DNAH6: variants seen among roughly 807,000 people sequenced by gnomAD.
DNAH6 encodes the protein axonemal beta dynein heavy chain 6.
In DNAH6, 340 loss-of-function variants were observed where a neutral mutation model predicts 491.4. The ratio of observed to expected loss-of-function variants is 0.69; its 90% CI spans 0.63 to 0.76. The LOEUF (loss-of-function observed/expected upper bound fraction) is 0.76, where lower values mean the gene tolerates loss of function less well. Ranked by LOEUF, DNAH6 falls within the 30% of genes least tolerant of loss-of-function variation. The probability of loss-of-function intolerance (pLI) is 0.00; values close to 1 mark genes in which losing one functional copy is unlikely to be tolerated. For synonymous variants in DNAH6, 1,603 were observed against 1,686.1 expected (o/e 0.95, Z 1.21); for missense variants, 4,443 against 4,972.2 (o/e 0.89, Z 3.20).
intron 44 of DNAH6, among the ~76,000 whole-genome samples, chr2:84,688,115 A>G (rs1694461097): frequency 6.6e-5 from 10 of 151,810 alleles, no homozygotes; most frequent in Admixed American, 6.6e-4. Context: ...GGCGCCTGTA[A>G]TCCCAGCTAC....
rs1192361 is a variant in DNAH6, at chr2:84,813,294, A to G, written c.11998+164A>G. ...GTGCTCTTCCTCACTTGTGGGGGGC[A>G]GAGGAAAGATGGCAGAGATAGCAGA... On this transcript the variant is annotated intron_variant, in intron 74 of 76. Coordinates refer to ENST00000389394, the MANE Select transcript of DNAH6 (RefSeq NM_001370.2). Among the ~76,000 whole-genome samples the G allele has an allele frequency of 0.14, 21,543 of 152,272 alleles. 1,566 individuals carry two copies. Among genetic ancestry groups the G allele is most frequent in the African/African-American group, 0.18 (7,302 of 41,540 alleles).
chr2:84,805,610 A>G, intron 70 of DNAH6, 55 bp from the exon 71 acceptor site: 1 of 1,446,536 alleles, frequency 6.9e-7, no homozygotes, highest in Non-Finnish European at 9.2e-7. Flanking sequence ...TGTGCTGCAA[A>G]TTTGTTTTCT....
chr2:84,789,349 TC>T (rs1677525494), intron 68 of DNAH6, among the ~76,000 whole-genome samples: 3 of 152,186 alleles, frequency 2.0e-5, no homozygotes, highest in Admixed American at 2.0e-4. Context: ...AACTTTCCAC[TC>T]CATAGGTGCC....
At chr2:84,480,084 A>G in the DNAH6 span, among the ~76,000 whole-genome samples, 1 of 152,232 alleles carries the variant, frequency 6.6e-6, no homozygotes, top group Admixed American at 6.5e-5. Context: ...CAAGCCCACC[A>G]AAGAGTTATT....
intron 11 of DNAH6, among the ~76,000 whole-genome samples, chr2:84,564,868 T>A (rs1366897462): frequency 6.6e-6 from 1 of 152,182 alleles, no homozygotes; most frequent in Non-Finnish European, 1.5e-5. Context: ...ATTCCTTTGA[T>A]CCCTAGTCTG....
rs570920425 is a variant in DNAH6, at chr2:84,818,978, T to C, written c.12374-327T>C. Reference sequence around the variant, plus strand: ...GTCCCAGCTACTCAAGAGGCTGAGGTAGGAGAATCACTTGAACCCAGGAGG... The same window carrying C: ...GTCCCAGCTACTCAAGAGGCTGAGGCAGGAGAATCACTTGAACCCAGGAGG... On this transcript the variant is annotated intron_variant, in intron 76 of 76. Transcript: ENST00000389394. Among the ~76,000 whole-genome samples the C allele has an allele frequency of 2.0e-5, 3 of 152,016 alleles. No homozygotes were observed. In the East Asian group the frequency reaches 5.8e-4, roughly 29 times the overall value.
intron 72 of DNAH6, among the ~76,000 whole-genome samples, chr2:84,809,002 G>T (rs564084821): frequency 2.0e-4 from 30 of 152,314 alleles, no homozygotes; most frequent in African/African-American, 7.2e-4. Flanking sequence ...TCCCACTCAA[G>T]ACCTACTGAG....
At position 84,762,503 on chromosome 2, in the gene DNAH6, G is replaced by C. The variant is rs531532952; in HGVS notation, c.10513-252G>C. 1.2e-3 allele frequency among the ~76,000 whole-genome samples: 178 copies of C among 152,298 alleles called. 1 individual carries two copies. Among genetic ancestry groups the C allele is most frequent in the African/African-American group, 4.1e-3 (171 of 41,568 alleles). ...AGGGGAGACAGCAGCTTCATAAATA[G>C]AGTGAATGTTGAGGGACTTCCCTCT... On this transcript the variant is annotated intron_variant, in intron 63 of 76. Coordinates refer to ENST00000389394, the MANE Select transcript of DNAH6 (RefSeq NM_001370.2).
intron 70 of DNAH6, among the ~76,000 whole-genome samples, chr2:84,798,628 C>T (rs1246361467): frequency 6.6e-6 from 1 of 152,232 alleles, no homozygotes; most frequent in Non-Finnish European, 1.5e-5. Context: ...CCCACCACCA[C>T]TGCTACAGGC....
At chr2:84,550,080 A>AT (rs770841138) in intron 9 of DNAH6, 23 bp downstream of exon 9, 2 of 1,587,078 alleles carry the variant, frequency 1.3e-6, no homozygotes, top group Non-Finnish European at 1.7e-6. Flanking sequence ...AAAATTAAGA[A>AT]TATTTTATTG....
rs372521575 is a variant in DNAH6 at position 84,816,542 on chromosome 2, A to C, written c.12373+459A>C. 1.3e-3 allele frequency among the ~76,000 whole-genome samples: 203 copies of C among 152,242 alleles called. 7 individuals are homozygous for C. In the South Asian group the frequency reaches 0.038, roughly 29 times the overall value. ...AGTTCAAGACTAGCCTGACCAACATAGTGAAACCCTGTCTCTACTAAATAC... is the reference window on the plus strand; with the variant it reads ...AGTTCAAGACTAGCCTGACCAACATCGTGAAACCCTGTCTCTACTAAATAC... On this transcript the variant is annotated intron_variant, in intron 76 of 76. Transcript: ENST00000389394.
chr2:84,793,199 C>A (rs567793382), intron 68 of DNAH6, among the ~76,000 whole-genome samples: 5 of 148,372 alleles, frequency 3.4e-5, no homozygotes, highest in Admixed American at 3.3e-4. Flanking sequence ...CACACACACA[C>A]ACGCATGCAC....
At chr2:84,640,239 A>G (rs561184158) in intron 31 of DNAH6, among the ~76,000 whole-genome samples, 191 bp from the exon 32 acceptor site, 18 of 152,340 alleles carry the variant, frequency 1.2e-4, no homozygotes, top group African/African-American at 3.6e-4. Context: ...GTATCCCCAT[A>G]CAATATTCTG....
intron 68 of DNAH6, among the ~76,000 whole-genome samples, chr2:84,791,195 AAAAAAG>A (rs1204159288): frequency 1.3e-4 from 20 of 151,676 alleles, no homozygotes; most frequent in Middle Eastern, 3.4e-3. Flanking sequence ...ATCTCAAAAA[AAAAAAG>A]AAAAAAGAAA....
At chr2:84,765,222 A>G (rs1349086613) in intron 64 of DNAH6, among the ~76,000 whole-genome samples, 1 of 152,072 alleles carries the variant, frequency 6.6e-6, no homozygotes, top group Non-Finnish European at 1.5e-5. Context: ...TCCAGAATAG[A>G]AGTGACCTTG....
Position 84,604,344 on chromosome 2 carries a change from A to G in DNAH6, c.2874A>G (p.Pro958=), listed in dbSNP as rs1168117313. 6.4e-7 allele frequency: 1 copy of G among 1,551,674 alleles called. No individual in the cohort carries two copies. The highest frequency in any genetic ancestry group is 1.2e-5 in the South Asian group (1 of 84,054). ...TGAGAGTGTTTGTTTTTCAGCTTCC[A>G]GTTATCATTGACTTGAGGAACCCGA... The part of the protein sequence containing the change: ...YKVEKMKEKL[P]VIIDLRNPTL... Residue 958 remains proline (P), a synonymous_variant, in exon 19 of 77, where the codon CCA becomes CCG. Coordinates refer to ENST00000389394, the MANE Select transcript of DNAH6 (RefSeq NM_001370.2).
the DNAH6 span, among the ~76,000 whole-genome samples, chr2:84,490,346 C>T: frequency 6.6e-6 from 1 of 151,870 alleles, no homozygotes; most frequent in African/African-American, 2.4e-5. Flanking sequence ...GTAAACAGCA[C>T]CCTTTTAATG....
the DNAH6 span, among the ~76,000 whole-genome samples, chr2:84,468,643 T>G: frequency 9.0e-4 from 137 of 152,330 alleles, no homozygotes; most frequent in Non-Finnish European, 1.2e-3. Flanking sequence ...CAGAGATTAC[T>G]TACTTCGTAG....
intron 49 of DNAH6, among the ~76,000 whole-genome samples, chr2:84,702,848 T>TAGAAAG (rs1696061019): frequency 1.3e-5 from 2 of 152,158 alleles, no homozygotes; most frequent in South Asian, 2.1e-4. Flanking sequence ...AGCCAAGCTT[T>TAGAAAG]CTGACTCACC....
Sources: allele counts gnomAD v4.1 joint callset (sites outside exome capture counted in the v4.1 genomes callset), GRCh38; gene constraint gnomAD v4.1.1; transcripts MANE v1.5; gene names NCBI Gene and HGNC (gene_info 2026-07-23, HGNC 2026-07-21).